AIFM1: variants seen among roughly 807,000 people sequenced by gnomAD.
AIFM1 encodes apoptosis inducing factor mitochondria associated 1, also known as apoptosis-inducing factor 1, mitochondrial.
A neutral mutation model predicts 51.7 loss-of-function variants in AIFM1; 3 were observed. The ratio of observed to expected loss-of-function variants is 0.06; its 90% CI spans 0.03 to 0.15. The LOEUF (loss-of-function observed/expected upper bound fraction) is 0.15, where lower values mean the gene tolerates loss of function less well. Ranked by LOEUF, AIFM1 falls within the 10% of genes least tolerant of loss-of-function variation. The pLI, the probability that AIFM1 is intolerant of heterozygous loss-of-function variation, is 1.00. For missense variants in AIFM1, 330 were observed against 476.8 expected, an observed-to-expected ratio of 0.69 and a Z score of 2.87; for synonymous variants, 178 against 179.4, an observed-to-expected ratio of 0.99 and a Z score of 0.06.
intron 2 of AIFM1, among the ~76,000 whole-genome samples, chrX:130,151,523 C>T (rs758050324): frequency 8.9e-6 from 1 of 111,846 alleles, no homozygotes; most frequent in South Asian, 3.7e-4. Context: ...GGAACCTGAA[C>T]CCTGAGAGCT....
chrX:130,158,738 A>G (rs2124676011), intron 1 of AIFM1, among the ~76,000 whole-genome samples: 1 of 109,673 alleles, frequency 9.1e-6, no homozygotes, highest in East Asian at 2.9e-4. Flanking sequence ...AAAAATCGCA[A>G]AAAAATCTCA....
rs761627445 is a variant in AIFM1, at chrX:130,145,629, G to A, written c.606-60C>T. The A allele has an allele frequency of 1.4e-4, 132 of 920,173 alleles. 1 individual carries two copies. In the Middle Eastern group the frequency reaches 4.3e-3, roughly 30 times the overall value. 75.8% of individuals were successfully genotyped at this position (920,173 alleles called of 1,213,427 possible). A position where few individuals can be genotyped will look rare whatever the true frequency, so the allele number is the denominator to read the frequency against. On this transcript the variant is annotated intron_variant, in intron 5 of 15. Transcript: ENST00000287295. ...TGTGGAACTGTTATCAGCTTCCCCC[G>A]TAGCTTTAATAAAACTGTTTCCATT...
intron 6 of AIFM1, among the ~76,000 whole-genome samples, chrX:130,141,468 T>C (rs998157182): frequency 6.2e-5 from 7 of 112,128 alleles, no homozygotes; most frequent in African/African-American, 2.3e-4. Flanking sequence ...TACAACATTT[T>C]TACAGAATGC....
chrX:130,155,724 A>C (rs941976282), intron 2 of AIFM1, among the ~76,000 whole-genome samples: 1 of 112,226 alleles, frequency 8.9e-6, no homozygotes, highest in Non-Finnish European at 1.9e-5. Flanking sequence ...ACTAGGTGTT[A>C]TCTAAGTTGG....
intron 6 of AIFM1, among the ~76,000 whole-genome samples, chrX:130,144,824 T>C (rs2030698089): frequency 8.9e-6 from 1 of 112,700 alleles, no homozygotes; most frequent in South Asian, 3.6e-4. Flanking sequence ...TACCGGCTTA[T>C]CAACAAACCT....
intron 9 of AIFM1, chrX:130,137,803 C>T (rs995218098): frequency 1.1e-6 from 1 of 925,430 alleles, no homozygotes; most frequent in African/African-American, 2.1e-5. Flanking sequence ...TGACTCACAC[C>T]TATAATCCCA....
At chrX:130,147,937 T>A in intron 3 of AIFM1, 61 bp from the exon 4 acceptor site, 1 of 1,195,809 alleles carries the variant, frequency 8.4e-7, no homozygotes, top group Non-Finnish European at 1.1e-6. Context: ...TCTTTGCCAC[T>A]GTTAAAAAAA....
At chrX:130,151,690 A>G (rs1402761961) in intron 2 of AIFM1, among the ~76,000 whole-genome samples, 1 of 112,437 alleles carries the variant, frequency 8.9e-6, no homozygotes, top group Non-Finnish European at 1.9e-5. Flanking sequence ...TTATCTTGGT[A>G]TCAGATACTA....
chrX:130,162,539 G>A (rs1184796930), intron 1 of AIFM1, among the ~76,000 whole-genome samples: 1 of 112,066 alleles, frequency 8.9e-6, no homozygotes, highest in African/African-American at 3.2e-5. Context: ...TTATTAACTG[G>A]TTACAGAAAG....
chrX:130,155,381 T>C (rs1376727311), intron 2 of AIFM1: 2 of 1,061,166 alleles, frequency 1.9e-6, no homozygotes, highest in Non-Finnish European at 2.6e-6. Context: ...AGAAGCAGTT[T>C]TGGTTACCCT....
intron 12 of AIFM1, among the ~76,000 whole-genome samples, chrX:130,134,231 C>T (rs1330300438): frequency 6.6e-5 from 7 of 106,329 alleles, no homozygotes; most frequent in African/African-American, 1.0e-4. Context: ...AGCGAGACAC[C>T]GCCTCAAAAA....
chrX:130,161,241 G>A (rs966983104), intron 1 of AIFM1, among the ~76,000 whole-genome samples: 7 of 110,752 alleles, frequency 6.3e-5, no homozygotes, highest in Admixed American at 3.8e-4. Flanking sequence ...AGCCAGGTGC[G>A]GTGGCTCACA....
chrX:130,158,199 G>T (rs754619215), intron 1 of AIFM1, among the ~76,000 whole-genome samples: 43 of 111,503 alleles, frequency 3.9e-4, no homozygotes, highest in Admixed American at 9.5e-4. Flanking sequence ...AGGAGGCGGA[G>T]GTTGCAGTGA....
intron 12 of AIFM1, among the ~76,000 whole-genome samples, chrX:130,134,718 G>A (rs2030253278): frequency 9.0e-6 from 1 of 111,123 alleles, no homozygotes; most frequent in Non-Finnish European, 1.9e-5. Context: ...GCTTCATGAA[G>A]GATGTGGCAT....
In AIFM1 at chrX:130,136,116, G is replaced by A. The variant is rs368597390; in HGVS notation, c.1234C>T (p.Leu412=). 5.0e-6 allele frequency: 6 copies of A among 1,209,968 alleles called. No homozygotes were observed. Among genetic ancestry groups the A allele is most frequent in the Non-Finnish European group, 6.7e-6 (6 of 895,155 alleles). The change falls in exon 12 of 16, where the codon CTG becomes TTG. Residue 412 remains leucine (L), a synonymous_variant. Transcript: ENST00000287295. The part of the protein sequence containing the change: ...PNVELAKTGG[L]EIDSDFGGFR... ...CCACCAAAATCTGAGTCTATTTCCAGGCCACCAGTCTTGGCCAACTCAACA... is the reference window on the plus strand; with the variant it reads ...CCACCAAAATCTGAGTCTATTTCCAAGCCACCAGTCTTGGCCAACTCAACA...
intron 13 of AIFM1, among the ~76,000 whole-genome samples, chrX:130,132,823 T>G (rs2124647777): frequency 9.6e-6 from 1 of 104,151 alleles, no homozygotes; most frequent in Non-Finnish European, 2.0e-5. Context: ...CTCGGCTCAC[T>G]GCAACCTCCA....
At chrX:130,160,219 T>C (rs2031304373) in intron 1 of AIFM1, among the ~76,000 whole-genome samples, 1 of 111,946 alleles carries the variant, frequency 8.9e-6, no homozygotes, top group Admixed American at 9.5e-5. Flanking sequence ...CCTCCCCACA[T>C]TTTCTTTTCC....
At chrX:130,148,907 TTGC>T (rs2030855376) in intron 3 of AIFM1, among the ~76,000 whole-genome samples, 1 of 98,288 alleles carries the variant, frequency 1.0e-5, no homozygotes. Flanking sequence ...CTTGCTAAGC[TTGC>T]CTTTTAAGAG....
At chrX:130,160,390 C>T (rs1485798957) in intron 1 of AIFM1, among the ~76,000 whole-genome samples, 1 of 111,970 alleles carries the variant, frequency 8.9e-6, no homozygotes, top group Non-Finnish European at 1.9e-5. Context: ...TTTAGGTTTT[C>T]TGCAGTCAGA....
Sources: gnomAD v4.1 joint callset for allele counts (sites outside exome capture counted in the v4.1 genomes callset) on GRCh38, gnomAD v4.1.1 for gene constraint, MANE v1.5 for transcripts, NCBI Gene and HGNC (gene_info 2026-07-23, HGNC 2026-07-21) for gene names.